EPB41L2: variants seen among roughly 807,000 people sequenced by gnomAD.
EPB41L2 encodes erythrocyte membrane protein band 4.1 like 2.
EPB41L2 carries 43 observed loss-of-function variants against 113.0 expected under a neutral mutation model. The ratio of observed to expected loss-of-function variants is 0.38; its 90% confidence interval spans 0.30 to 0.49. EPB41L2 has a LOEUF of 0.49. EPB41L2 is among the 20% of genes least tolerant of loss of function. The probability of loss-of-function intolerance (pLI) is 0.95; values close to 1 mark genes in which losing one functional copy is unlikely to be tolerated. For synonymous variants in EPB41L2, 442 were observed against 436.7 expected (o/e 1.01, Z -0.15); for missense variants, 1,147 against 1,223.4 (o/e 0.94, Z 0.93).
At chr6:130,995,061 G>T (rs1782760154) in intron 1 of EPB41L2, among the ~76,000 whole-genome samples, 1 of 152,192 alleles carries the variant, frequency 6.6e-6, no homozygotes, top group African/African-American at 2.4e-5. Context: ...GGCCGGCCAG[G>T]CGTGGTGGCT....
chr6:130,907,519 A>G (rs2128508058), intron 5 of EPB41L2, among the ~76,000 whole-genome samples: 1 of 152,328 alleles, frequency 6.6e-6, no homozygotes, highest in East Asian at 1.9e-4. Context: ...CAGCTTTAGC[A>G]CTTAAAGTCT....
chr6:130,999,179 C>T lies in EPB41L2; in HGVS notation c.-14-42680G>A, dbSNP rs557611349. 2.0e-5 allele frequency among the ~76,000 whole-genome samples: 3 copies of T among 152,230 alleles called. No individual in the cohort carries two copies. In the South Asian group the frequency reaches 6.2e-4, roughly 32 times the overall value. On this transcript the variant is annotated intron_variant, in intron 1 of 19. Transcript: ENST00000337057. ...TGCTGTTCTTCTCTCTCCCAGATCC[C>T]CTAGTGTCCCCTACCCCTCTTTCAG...
Position 130,890,374 on chromosome 6 carries a change from T to C in EPB41L2, c.1580A>G (p.Gln527Arg), listed in dbSNP as rs1792402121. 2 of 1,613,290 alleles carry C rather than the reference T, an allele frequency of 1.2e-6. No homozygotes were observed. Among genetic ancestry groups the C allele is most frequent in the Admixed American group, 1.7e-5 (1 of 59,898 alleles). The change falls in exon 11 of 20, where the codon CAG (glutamine) becomes CGG (arginine). Residue 527 changes from glutamine to arginine, a missense_variant. Gln to Arg is a conservative substitution (Grantham distance 43, BLOSUM62 1). Transcript: ENST00000337057. ...TGGCCTATCTATGAGGGTGCTGGCC[T>C]GGCGGGTCTGTGCTTGGGTGCGGCC... ...YSGRTQAQTR[Q>R]ASTLIDRPAP... is the part of the protein sequence containing the mutation.
At chr6:130,958,072 C>T (rs574257883) in intron 1 of EPB41L2, among the ~76,000 whole-genome samples, 1 of 152,230 alleles carries the variant, frequency 6.6e-6, no homozygotes, top group South Asian at 2.1e-4. Flanking sequence ...AGTTCATGGG[C>T]ACATGAATAA....
chr6:130,848,174 CTCTCTCTG>C (rs1464051666), intron 19 of EPB41L2, among the ~76,000 whole-genome samples: 5 of 110,462 alleles, frequency 4.5e-5, no homozygotes, highest in African/African-American at 1.3e-4. Flanking sequence ...CAGTCTCTGT[CTCTCTCTG>C]TCTCTCTCTC....
intron 3 of EPB41L2, among the ~76,000 whole-genome samples, chr6:130,944,349 T>TGC (rs1812050475): frequency 6.6e-6 from 1 of 152,150 alleles, no homozygotes; most frequent in Non-Finnish European, 1.5e-5. Flanking sequence ...TAAATCAAAA[T>TGC]TACTTTCTAT....
chr6:130,995,742 T>A (rs1782938013), intron 1 of EPB41L2, among the ~76,000 whole-genome samples: 1 of 152,186 alleles, frequency 6.6e-6, no homozygotes, highest in Non-Finnish European at 1.5e-5. Flanking sequence ...TAGCTAACTT[T>A]CCCTTTGTCA....
At chr6:130,928,570 G>A (rs1364955553) in intron 3 of EPB41L2, among the ~76,000 whole-genome samples, 1 of 152,244 alleles carries the variant, frequency 6.6e-6, no homozygotes, top group Non-Finnish European at 1.5e-5. Flanking sequence ...CTAGCTTCAA[G>A]TCAACTCTTA....
chr6:130,916,811 C>T (rs1229739203), intron 4 of EPB41L2, among the ~76,000 whole-genome samples: 1 of 152,212 alleles, frequency 6.6e-6, no homozygotes, highest in African/African-American at 2.4e-5. Context: ...GAAGCTTCTG[C>T]GTGGAGCCAA....
At chr6:131,049,567 C>T (rs146446876) in intron 1 of EPB41L2, among the ~76,000 whole-genome samples, 2 of 152,276 alleles carry the variant, frequency 1.3e-5, no homozygotes, top group African/African-American at 4.8e-5. Flanking sequence ...AAACAGAGTA[C>T]TGGGAAACAG....
At chr6:130,920,721 G>A (rs189499144) in intron 4 of EPB41L2, among the ~76,000 whole-genome samples, 1 of 151,898 alleles carries the variant, frequency 6.6e-6, no homozygotes, top group African/African-American at 2.4e-5. Context: ...TGTTGCCCAG[G>A]CTGGTCTCAA....
intron 1 of EPB41L2, among the ~76,000 whole-genome samples, chr6:131,040,286 T>A (rs1417827811): frequency 6.6e-6 from 1 of 151,848 alleles, no homozygotes; most frequent in African/African-American, 2.4e-5. Context: ...AAAAATACAA[T>A]GAATTAGTCA....
chr6:130,945,265 T>C (rs1812414179), intron 3 of EPB41L2, among the ~76,000 whole-genome samples: 1 of 151,926 alleles, frequency 6.6e-6, no homozygotes, highest in Non-Finnish European at 1.5e-5. Flanking sequence ...GAAACAACAA[T>C]AAACAAACAA....
At chr6:130,962,598 G>A (rs1384412439) in intron 1 of EPB41L2, among the ~76,000 whole-genome samples, 3 of 152,132 alleles carry the variant, frequency 2.0e-5, no homozygotes, top group African/African-American at 7.2e-5. Context: ...AAAAGGATAA[G>A]GGACCTATTA....
At chr6:130,905,208 A>C (rs1178601339) in intron 5 of EPB41L2, among the ~76,000 whole-genome samples, 2 of 152,186 alleles carry the variant, frequency 1.3e-5, no homozygotes, top group East Asian at 3.8e-4. Context: ...TGGCTTGTTA[A>C]AAGTTAAAAC....
chr6:130,876,788 A>G, intron 14 of EPB41L2: 2 of 1,292,158 alleles, frequency 1.5e-6, no homozygotes, highest in Non-Finnish European at 2.0e-6. Context: ...ATTGTTTTAA[A>G]CAATAGACAT....
intron 1 of EPB41L2, among the ~76,000 whole-genome samples, chr6:131,040,030 A>G (rs1794128357): frequency 6.6e-6 from 1 of 152,258 alleles, no homozygotes; most frequent in African/African-American, 2.4e-5. Context: ...AAGAAATAAT[A>G]AAACTTAAAA....
At chr6:130,866,394 C>A (rs190805051) in intron 16 of EPB41L2, among the ~76,000 whole-genome samples, 1 of 152,144 alleles carries the variant, frequency 6.6e-6, no homozygotes, top group Non-Finnish European at 1.5e-5. Flanking sequence ...GACACTGACA[C>A]GAGGAAATAA....
intron 1 of EPB41L2, among the ~76,000 whole-genome samples, chr6:130,977,362 T>C (rs1322804460): frequency 2.0e-5 from 3 of 152,150 alleles, no homozygotes; most frequent in African/African-American, 7.2e-5. Flanking sequence ...ATTATTTACA[T>C]AGCAAATCAG....
Sources: gnomAD v4.1 joint callset for allele counts (sites outside exome capture counted in the v4.1 genomes callset) on GRCh38, gnomAD v4.1.1 for gene constraint, MANE v1.5 for transcripts, NCBI Gene and HGNC (gene_info 2026-07-23, HGNC 2026-07-21) for gene names.